The following MYO10 variants were observed in gnomAD, a reference collection of about 807,000 sequenced individuals.
MYO10 encodes the protein myosin X, also known as unconventional myosin-X.
In MYO10, 133 loss-of-function variants were observed where a neutral mutation model predicts 257.3. The observed-to-expected ratio is 0.52, with a 90% CI of 0.45 to 0.60. The LOEUF (loss-of-function observed/expected upper bound fraction) is 0.60. Ranked by LOEUF, MYO10 falls within the 20% of genes least tolerant of loss-of-function variation. MYO10 has a pLI of 0.00. For missense variants in MYO10, 2,399 were observed against 2,635.7 expected, an observed-to-expected ratio of 0.91 and a Z score of 1.97; for synonymous variants, 1,104 against 1,028.6, an observed-to-expected ratio of 1.07 and a Z score of -1.40.
At chr5:16,847,381 G>A (rs542598031) in intron 2 of MYO10, among the ~76,000 whole-genome samples, 25 of 148,420 alleles carry the variant, frequency 1.7e-4, no homozygotes, top group East Asian at 1.0e-3. Flanking sequence ...CCGAGATGGT[G>A]CCACTGTACT....
chr5:16,922,984 T>C (rs948145546), intron 1 of MYO10, among the ~76,000 whole-genome samples: 2 of 152,050 alleles, frequency 1.3e-5, no homozygotes, highest in Non-Finnish European at 2.9e-5. Context: ...TGAGCTGTGA[T>C]AGTGCCACTG....
At chr5:16,916,486 AGAG>A (rs2126796621) in intron 1 of MYO10, 1 of 176,224 alleles carries the variant, frequency 5.7e-6, no homozygotes, top group South Asian at 1.2e-4. Flanking sequence ...GGAAAAGAGG[AGAG>A]GAGAAGCATG....
At chr5:16,933,221 G>C (rs1191228800) in intron 1 of MYO10, among the ~76,000 whole-genome samples, 2 of 152,188 alleles carry the variant, frequency 1.3e-5, no homozygotes, top group Non-Finnish European at 2.9e-5. Flanking sequence ...CTTTCGGGTT[G>C]TCACAACTTG....
intron 19 of MYO10, chr5:16,741,835 T>A: frequency 1.0e-6 from 1 of 985,418 alleles, no homozygotes; most frequent in South Asian, 4.7e-5. Context: ...TCAGTTTCTG[T>A]CCACTGTAAA....
At chr5:16,667,773 A>G (rs1388163047) in intron 40 of MYO10, among the ~76,000 whole-genome samples, 1 of 152,036 alleles carries the variant, frequency 6.6e-6, no homozygotes, top group African/African-American at 2.4e-5. Flanking sequence ...TTCTTGTATT[A>G]TATTTTTTAA....
intron 1 of MYO10, among the ~76,000 whole-genome samples, chr5:16,918,565 C>T (rs958595587): frequency 7.0e-6 from 1 of 142,752 alleles, no homozygotes; most frequent in Non-Finnish European, 1.5e-5. Flanking sequence ...TGTAATGGCA[C>T]AATCTCAGCT....
intron 2 of MYO10, among the ~76,000 whole-genome samples, chr5:16,864,431 T>C (rs1744187629): frequency 1.3e-5 from 2 of 152,168 alleles, no homozygotes; most frequent in African/African-American, 4.8e-5. Context: ...ATACAGGTGG[T>C]GGCTCTTTGA....
intron 2 of MYO10, among the ~76,000 whole-genome samples, chr5:16,860,081 A>G (rs570783549): frequency 6.6e-6 from 1 of 152,362 alleles, no homozygotes; most frequent in Non-Finnish European, 1.5e-5. Flanking sequence ...TCTACAAATT[A>G]GAAAAACCTG....
At chr5:16,880,006 C>T (rs984815782) in intron 1 of MYO10, among the ~76,000 whole-genome samples, 11 of 152,030 alleles carry the variant, frequency 7.2e-5, no homozygotes, top group Non-Finnish European at 1.0e-4. Context: ...GGTAAAACCG[C>T]GTGTCTACCA....
chr5:16,692,055 T>C lies in MYO10; in HGVS notation c.3801-2136A>G, dbSNP rs553438958. ...ACCAGTGACAACATCTAGACCTCAT[T>C]TGGATTCTGACTTGAAGAAAATAAC... On this transcript the variant is annotated intron_variant, in intron 27 of 40. Coordinates refer to ENST00000513610, the MANE Select transcript of MYO10 (RefSeq NM_012334.3). 7.2e-5 allele frequency among the ~76,000 whole-genome samples: 11 copies of C among 152,250 alleles called. No homozygotes were observed. The Middle Eastern group carries it at 0.01, about 141-fold the overall frequency.
At chr5:16,919,137 G>C (rs928100936) in intron 1 of MYO10, among the ~76,000 whole-genome samples, 1 of 152,136 alleles carries the variant, frequency 6.6e-6, no homozygotes, top group Non-Finnish European at 1.5e-5. Flanking sequence ...AGCACTTTGA[G>C]AGGCCAAGGC....
intron 1 of MYO10, among the ~76,000 whole-genome samples, chr5:16,914,776 G>A (rs912496174): frequency 6.6e-6 from 1 of 152,196 alleles, no homozygotes; most frequent in African/African-American, 2.4e-5. Flanking sequence ...ACCTGGCCGT[G>A]AGAGCAGTGA....
At chr5:16,749,372 C>T (rs1195484814) in intron 19 of MYO10, among the ~76,000 whole-genome samples, 4 of 151,480 alleles carry the variant, frequency 2.6e-5, no homozygotes, top group Non-Finnish European at 4.4e-5. Context: ...CTGTAATCTT[C>T]GCTACTTGGA....
intron 1 of MYO10, among the ~76,000 whole-genome samples, chr5:16,907,113 C>CA (rs932610895): frequency 2.6e-5 from 4 of 151,068 alleles, no homozygotes; most frequent in Non-Finnish European, 2.9e-5. Context: ...GACTCCATCT[C>CA]AAAAAAAAGA....
At position 16,766,088 on chromosome 5, in the gene MYO10, C is replaced by A; in HGVS notation, c.1171G>T (p.Val391Phe). 4 of 1,607,434 alleles carry A rather than the reference C, an allele frequency of 2.5e-6. No homozygotes were observed. Among genetic ancestry groups the A allele is most frequent in the Non-Finnish European group, 3.4e-6 (4 of 1,174,010 alleles). Residue 391 changes from valine to phenylalanine, a missense_variant, in exon 11 of 41, where the codon GTT becomes TTT. Physicochemically the swap from Val to Phe is conservative, Grantham distance 50 (BLOSUM62 -1). This residue lies in a region of MYO10 where 337 missense variants were observed against 446.8 expected (regional missense o/e 0.75). Transcript: ENST00000513610. ...RGEEILTPLN[V>F]QQAVDSRDSL... is the part of the protein sequence containing the mutation. ...TGGCAAAGCGTGTGTACCTGTTGAA[C>A]ATTGAGAGGCGTGAGGATCTCTTCT...
At chr5:16,820,250 C>G (rs1007211626) in intron 2 of MYO10, among the ~76,000 whole-genome samples, 7 of 152,182 alleles carry the variant, frequency 4.6e-5, no homozygotes, top group Non-Finnish European at 1.0e-4. Flanking sequence ...CTAGAAATTC[C>G]CAGAAGTTAA....
chr5:16,867,938 A>T (rs1744328053), intron 2 of MYO10, among the ~76,000 whole-genome samples: 1 of 152,174 alleles, frequency 6.6e-6, no homozygotes, highest in Non-Finnish European at 1.5e-5. Context: ...ATTTTGGAAG[A>T]CCCTATAGAG....
intron 1 of MYO10, among the ~76,000 whole-genome samples, chr5:16,926,593 G>A (rs1009300593): frequency 3.9e-5 from 6 of 152,068 alleles, no homozygotes; most frequent in African/African-American, 1.2e-4. Flanking sequence ...TCCCAGCTAC[G>A]TGGGAGGCTG....
intron 29 of MYO10, among the ~76,000 whole-genome samples, chr5:16,684,588 T>C (rs1737158324): frequency 6.6e-6 from 1 of 152,240 alleles, no homozygotes; most frequent in Admixed American, 6.5e-5. Context: ...TTTATGACCT[T>C]CTTTCAATAG....
Sources: allele counts gnomAD v4.1 joint callset (sites outside exome capture counted in the v4.1 genomes callset), GRCh38; gene constraint gnomAD v4.1.1; regional missense constraint gnomAD v4.1.1; transcripts MANE v1.5; gene names NCBI Gene and HGNC (gene_info 2026-07-23, HGNC 2026-07-21).